The following DNAH8 variants were observed in gnomAD, a reference collection of about 807,000 sequenced individuals.
DNAH8 encodes the protein axonemal beta dynein heavy chain 8.
DNAH8 carries 382 observed loss-of-function variants against 562.1 expected under a neutral mutation model. The observed-to-expected ratio is 0.68, with a 90% confidence interval of 0.63 to 0.74. The LOEUF (loss-of-function observed/expected upper bound fraction) is 0.74, where lower values mean the gene tolerates loss of function less well. Among genes scored for constraint, DNAH8 ranks in the 30% least tolerant of loss-of-function variants. The pLI is 0.00. For synonymous variants in DNAH8, 1,881 were observed against 1,919.4 expected, an observed-to-expected ratio of 0.98 and a Z score of 0.52; for missense variants, 5,203 against 5,620.4, an observed-to-expected ratio of 0.93 and a Z score of 2.37.
At chr6:38,940,791 C>T (rs1012057045) in intron 79 of DNAH8, among the ~76,000 whole-genome samples, 8 of 152,078 alleles carry the variant, frequency 5.3e-5, no homozygotes, top group African/African-American at 1.4e-4. Flanking sequence ...TGACTACAGA[C>T]GTGAAATTTG....
At chr6:38,903,812 A>G (rs560119836) in intron 62 of DNAH8, among the ~76,000 whole-genome samples, 1 of 151,874 alleles carries the variant, frequency 6.6e-6, no homozygotes, top group African/African-American at 2.4e-5. Flanking sequence ...GGGTTTCACC[A>G]TGCTGGCCAG....
rs763362290 is a variant in DNAH8 at position 38,852,705 on chromosome 6, T to G, written c.5478T>G (p.Pro1826=). ...CCTCTGTCTTACAGCCGCATCTCCC[T>G]GCAGTATCTGACAACATCAATGAGG... The part of the protein sequence containing the change: ...SDSHTIQPHL[P]AVSDNINEVT... Residue 1826 remains proline, a synonymous_variant, in exon 40 of 93, where the codon CCT becomes CCG. Coordinates refer to ENST00000327475, the MANE Select transcript of DNAH8 (RefSeq NM_001206927.2). 1 of 1,613,048 alleles carries G rather than the reference T, an allele frequency of 6.2e-7. No homozygotes were observed. Among genetic ancestry groups the G allele is most frequent in the South Asian group, 1.1e-5 (1 of 90,902 alleles).
intron 19 of DNAH8, 95 bp downstream of exon 19, chr6:38,789,978 T>G: frequency 1.1e-6 from 1 of 902,344 alleles, no homozygotes; most frequent in Non-Finnish European, 1.7e-6. Context: ...TATTCTTCTT[T>G]AGACCCTCCA....
intron 26 of DNAH8, 41 bp downstream of exon 26, chr6:38,815,698 T>C (rs1255811056): frequency 1.3e-6 from 2 of 1,521,318 alleles, no homozygotes; most frequent in Non-Finnish European, 1.8e-6. Flanking sequence ...CTGATCCTTT[T>C]TGGATTTGAT....
intron 56 of DNAH8, among the ~76,000 whole-genome samples, chr6:38,885,311 A>G (rs1778839914): frequency 6.6e-6 from 1 of 152,156 alleles, no homozygotes; most frequent in Non-Finnish European, 1.5e-5. Flanking sequence ...CAGAAAATCA[A>G]GTTGGCTCTA....
chr6:39,025,895 G>A (rs1427005769), intron 91 of DNAH8, among the ~76,000 whole-genome samples: 1 of 152,162 alleles, frequency 6.6e-6, no homozygotes, highest in East Asian at 1.9e-4. Flanking sequence ...CTCCAAGAAA[G>A]GCTTATCTTA....
chr6:38,753,747 TC>T (rs1323801672), intron 9 of DNAH8, among the ~76,000 whole-genome samples: 4 of 152,218 alleles, frequency 2.6e-5, no homozygotes, highest in African/African-American at 7.2e-5. Context: ...GATGTTTTTT[TC>T]ATCCTAGTAA....
At chr6:38,896,291 A>T in intron 60 of DNAH8, 66 bp downstream of exon 60, 1 of 1,302,628 alleles carries the variant, frequency 7.7e-7, no homozygotes, top group Non-Finnish European at 1.1e-6. Context: ...TTCTCTCTGC[A>T]CCAGAGTCCT....
At chr6:38,925,897 A>G (rs575650455) in intron 73 of DNAH8, among the ~76,000 whole-genome samples, 158 bp from the exon 74 acceptor site, 2 of 152,278 alleles carry the variant, frequency 1.3e-5, no homozygotes, top group South Asian at 4.1e-4. Context: ...TATTTGGTTC[A>G]CATTTACAAG....
intron 91 of DNAH8, among the ~76,000 whole-genome samples, chr6:39,014,461 G>C (rs1766433567): frequency 6.6e-6 from 1 of 152,148 alleles, no homozygotes; most frequent in Non-Finnish European, 1.5e-5. Context: ...CCCTCTGCTA[G>C]GTACTTTCAA....
chr6:38,926,421 T>C (rs1446755575), intron 74 of DNAH8, among the ~76,000 whole-genome samples: 3 of 152,168 alleles, frequency 2.0e-5, no homozygotes, highest in African/African-American at 7.2e-5. Context: ...CCTCTCTTTG[T>C]ACATTTCCCT....
intron 3 of DNAH8, among the ~76,000 whole-genome samples, chr6:38,729,617 T>G (rs1475200709): frequency 3.3e-5 from 5 of 152,212 alleles, no homozygotes; most frequent in African/African-American, 1.2e-4. Flanking sequence ...TTTAAAAATA[T>G]TTACCTCAAG....
intron 26 of DNAH8, among the ~76,000 whole-genome samples, chr6:38,820,875 GC>G (rs1321518053): frequency 1.2e-4 from 18 of 152,090 alleles, no homozygotes; most frequent in African/African-American, 4.1e-4. Flanking sequence ...CTTATAAAAG[GC>G]ATCATACTTA....
chr6:38,745,226 G>A (rs1446344282), intron 8 of DNAH8, among the ~76,000 whole-genome samples: 1 of 152,134 alleles, frequency 6.6e-6, no homozygotes, highest in African/African-American at 2.4e-5. Context: ...AGGGTCATGG[G>A]GGAACAAATG....
rs537772893 is a variant in DNAH8, at chr6:38,883,631, A to G, written c.8136+175A>G. 1.9e-4 allele frequency among the ~76,000 whole-genome samples: 29 copies of G among 152,336 alleles called. No homozygotes were observed. In the South Asian group the frequency reaches 6.0e-3, roughly 32 times the overall value. ...AGGCTAAGGTTGAAGGCAAATCCAA[A>G]TAGCATACTTTGACCTAATATTGAG... is the stretch of plus-strand genomic sequence containing the variant. On this transcript the variant is annotated intron_variant, in intron 55 of 92. Transcript: ENST00000327475.
rs1768562776 is a variant in DNAH8, at chr6:38,781,197, T to A, written c.2140-57T>A. On this transcript the variant is annotated intron_variant, in intron 15 of 92. Coordinates refer to ENST00000327475, the MANE Select transcript of DNAH8 (RefSeq NM_001206927.2). The stretch of plus-strand genomic sequence containing the variant: ...ACAATACAAATATAGCTGTATATAT[T>A]TTTTGCCTTCTCCCTTGTATTGAAT... The A allele has an allele frequency of 5.7e-6, 9 of 1,582,072 alleles. No individual in the cohort carries two copies. The South Asian group carries it at 1.0e-4, about 18-fold the overall frequency.
At chr6:38,958,313 T>A (rs73410586) in intron 82 of DNAH8, among the ~76,000 whole-genome samples, 6,473 of 151,520 alleles carry the variant, frequency 0.043, 432 homozygotes, top group African/African-American at 0.14. Flanking sequence ...CCGATAGAAA[T>A]TTTTAAAAGT....
At chr6:38,957,878 A>AC (rs1448060947) in intron 82 of DNAH8, among the ~76,000 whole-genome samples, 2 of 151,364 alleles carry the variant, frequency 1.3e-5, no homozygotes, top group South Asian at 2.1e-4. Context: ...AAAAAAAAAA[A>AC]AAAAAAAAAC....
At chr6:38,755,184 A>T (rs561753235) in intron 9 of DNAH8, among the ~76,000 whole-genome samples, 1 of 152,190 alleles carries the variant, frequency 6.6e-6, no homozygotes, top group South Asian at 2.1e-4. Flanking sequence ...TCTTAATAGC[A>T]CAGAAAATAA....
Sources: gnomAD v4.1 joint callset for allele counts (sites outside exome capture counted in the v4.1 genomes callset) on GRCh38, gnomAD v4.1.1 for gene constraint, MANE v1.5 for transcripts, NCBI Gene and HGNC (gene_info 2026-07-23, HGNC 2026-07-21) for gene names.